Variants in ADK observed in about 807,000 individuals in gnomAD.
ADK encodes adenosine kinase, also known as N6,N6-dimethyladenosine kinase.
ADK carries 24 observed loss-of-function variants against 44.7 expected under a neutral mutation model. The observed-to-expected ratio is 0.54, with a 90% CI of 0.39 to 0.76. The LOEUF (loss-of-function observed/expected upper bound fraction) is 0.76. ADK is among the 30% of genes least tolerant of loss of function. The probability of loss-of-function intolerance (pLI) is 0.00; values close to 1 mark genes in which losing one functional copy is unlikely to be tolerated. For synonymous variants in ADK, 128 were observed against 142.6 expected (o/e 0.90, Z 0.73); for missense variants, 321 against 425.1 (o/e 0.76, Z 2.15).
intron 1 of ADK, among the ~76,000 whole-genome samples, chr10:74,162,521 T>TTG (rs10550667): frequency 0.029 from 4,081 of 141,914 alleles, 92 homozygotes; most frequent in African/African-American, 0.063. Flanking sequence ...TGCATTTCTT[T>TTG]TGTGTGTGTG....
At chr10:74,199,734 C>T (rs1186394785) in intron 1 of ADK, among the ~76,000 whole-genome samples, 2 of 152,068 alleles carry the variant, frequency 1.3e-5, no homozygotes, top group Non-Finnish European at 2.9e-5. Flanking sequence ...GGCTGGAGCG[C>T]AGTGGCACGA....
intron 3 of ADK, among the ~76,000 whole-genome samples, chr10:74,260,612 C>A (rs1360366332): frequency 3.3e-5 from 5 of 152,174 alleles, no homozygotes; most frequent in African/African-American, 9.7e-5. Context: ...GACTCTTTAT[C>A]TCACACCACT....
chr10:74,314,815 G>A (rs1403489619), intron 4 of ADK, 70 bp downstream of exon 4: 5 of 1,188,232 alleles, frequency 4.2e-6, no homozygotes, highest in Non-Finnish European at 6.2e-6. Flanking sequence ...TTGCATAATT[G>A]TTTCCTTTTA....
At chr10:74,574,255 C>T (rs916239888) in intron 7 of ADK, among the ~76,000 whole-genome samples, 2 of 151,586 alleles carry the variant, frequency 1.3e-5, no homozygotes, top group African/African-American at 2.4e-5. Flanking sequence ...CAACCTCCAT[C>T]CACCTCCGAC....
intron 2 of ADK, among the ~76,000 whole-genome samples, chr10:74,209,394 A>G (rs189127715): frequency 3.9e-5 from 6 of 152,228 alleles, no homozygotes; most frequent in South Asian, 2.1e-4. Flanking sequence ...ATATATTTCT[A>G]TTGTTTACAA....
intron 6 of ADK, among the ~76,000 whole-genome samples, chr10:74,473,973 T>C (rs1846712998): frequency 6.6e-6 from 1 of 152,226 alleles, no homozygotes; most frequent in South Asian, 2.1e-4. Context: ...TACCCACTGA[T>C]TTATAGCATT....
At chr10:74,182,776 A>G (rs192681454) in intron 1 of ADK, among the ~76,000 whole-genome samples, 2 of 152,334 alleles carry the variant, frequency 1.3e-5, no homozygotes, top group East Asian at 3.9e-4. Context: ...TCCAGCCACA[A>G]TATTGCTACG....
intron 1 of ADK, among the ~76,000 whole-genome samples, chr10:74,195,360 C>A (rs1465755651): frequency 6.6e-6 from 1 of 152,134 alleles, no homozygotes; most frequent in Non-Finnish European, 1.5e-5. Flanking sequence ...CCATTATAAT[C>A]TCAATTATGT....
intron 9 of ADK, among the ~76,000 whole-genome samples, chr10:74,613,394 C>G (rs1434307421): frequency 6.6e-6 from 1 of 152,046 alleles, no homozygotes; most frequent in Non-Finnish European, 1.5e-5. Context: ...AGCTAAGGGT[C>G]TAGTTCTTCA....
At chr10:74,158,075 T>A (rs7082003) in intron 1 of ADK, among the ~76,000 whole-genome samples, 105,907 of 151,962 alleles carry the variant, frequency 0.7, 37,606 homozygotes, top group Middle Eastern at 0.84. Flanking sequence ...AACTAAAACT[T>A]CAGAGATTTT....
chr10:74,251,176 G>T (rs1845638024), intron 3 of ADK, among the ~76,000 whole-genome samples: 1 of 152,180 alleles, frequency 6.6e-6, no homozygotes, highest in African/African-American at 2.4e-5. Context: ...AAGCAATATG[G>T]TTGAGGGAAG....
At position 74,159,214 on chromosome 10, in the gene ADK, C is replaced by T. The variant is rs183433476; in HGVS notation, c.65+7871C>T. The stretch of plus-strand genomic sequence containing the variant: ...TCTATTTGCATTTTTACTTTCATTG[C>T]ATGCATGCTGACTTTAGTATTTTCT... On this transcript the variant is annotated intron_variant, in intron 1 of 10. Transcript: ENST00000539909. Among the ~76,000 whole-genome samples, 88 of 152,278 alleles carry T rather than the reference C, an allele frequency of 5.8e-4. No individual in the cohort carries two copies. In the Middle Eastern group the frequency reaches 0.01, roughly 18 times the overall value.
In ADK at chr10:74,384,737, GTGAAACC is replaced by G. The variant is rs926615907; in HGVS notation, c.274-9395_274-9389del. Among the ~76,000 whole-genome samples the G allele has an allele frequency of 1.2e-4, 19 of 152,134 alleles. 1 individual carries two copies. The highest frequency in any genetic ancestry group is 4.3e-4 in the African/African-American group (18 of 41,450). On this transcript the variant is annotated intron_variant, in intron 4 of 10. Transcript: ENST00000539909. ...ATTTAGGACAACATTGTCTCAGTAA[GTGAAACC>G]TGAAACCTAAGTAGGAAGCTAGAAA... is the stretch of plus-strand genomic sequence containing the variant.
At chr10:74,335,211 A>G (rs1293088266) in intron 4 of ADK, among the ~76,000 whole-genome samples, 2 of 152,144 alleles carry the variant, frequency 1.3e-5, no homozygotes, top group African/African-American at 2.4e-5. Context: ...TTAGCCTCTT[A>G]TACTGTCACA....
At chr10:74,488,107 G>T (rs1847331067) in intron 6 of ADK, among the ~76,000 whole-genome samples, 1 of 151,862 alleles carries the variant, frequency 6.6e-6, no homozygotes, top group Non-Finnish European at 1.5e-5. Context: ...TCTTCACTGT[G>T]GAACATTTCT....
chr10:74,640,380 G>A (rs1258715663), intron 9 of ADK, among the ~76,000 whole-genome samples: 1 of 152,222 alleles, frequency 6.6e-6, no homozygotes, highest in African/African-American at 2.4e-5. Flanking sequence ...AGACTCGGCA[G>A]GACTCTTGCT....
At chr10:74,677,361 C>T (rs1275196472) in intron 10 of ADK, among the ~76,000 whole-genome samples, 1 of 152,210 alleles carries the variant, frequency 6.6e-6, no homozygotes, top group African/African-American at 2.4e-5. Context: ...CTTCATGTGG[C>T]ACCTATCTAT....
At chr10:74,333,823 A>AT (rs1841315476) in intron 4 of ADK, among the ~76,000 whole-genome samples, 1 of 152,194 alleles carries the variant, frequency 6.6e-6, no homozygotes, top group East Asian at 1.9e-4. Flanking sequence ...TACTGTAAAC[A>AT]TTAAGTAGTT....
At chr10:74,565,738 A>C (rs1166886430) in intron 7 of ADK, among the ~76,000 whole-genome samples, 5 of 151,650 alleles carry the variant, frequency 3.3e-5, no homozygotes, top group East Asian at 1.9e-4. Context: ...AAAAAAAAAA[A>C]AAAAAAAAAA....
Sources: allele counts gnomAD v4.1 joint callset (sites outside exome capture counted in the v4.1 genomes callset), GRCh38; gene constraint gnomAD v4.1.1; transcripts MANE v1.5; gene names NCBI Gene and HGNC (gene_info 2026-07-23, HGNC 2026-07-21).